The following USP34 variants were observed in gnomAD, a reference collection of about 807,000 sequenced individuals.
USP34 encodes the protein ubiquitin carboxyl-terminal hydrolase 34.
A neutral mutation model predicts 460.3 loss-of-function variants in USP34; 70 were observed. That is an observed-to-expected ratio of 0.15 (90% CI 0.13 to 0.19). USP34 has a LOEUF of 0.19. Among genes scored for constraint, USP34 ranks in the 10% least tolerant of loss-of-function variants. USP34 has a pLI of 1.00. For missense variants in USP34, 3,985 were observed against 4,236.2 expected (o/e 0.94, Z 1.65); for synonymous variants, 1,647 against 1,405.3 (o/e 1.17, Z -3.85).
intron 18 of USP34, among the ~76,000 whole-genome samples, chr2:61,335,860 G>T (rs1691400331): frequency 6.6e-6 from 1 of 152,162 alleles, no homozygotes; most frequent in Non-Finnish European, 1.5e-5. Context: ...AAGAGTTTGT[G>T]TTGTAACCAA....
chr2:61,218,483 T>C (rs1167551030), intron 67 of USP34, among the ~76,000 whole-genome samples: 1 of 152,130 alleles, frequency 6.6e-6, no homozygotes, highest in Admixed American at 6.6e-5. Context: ...ACTATTATGA[T>C]GGTACATTTG....
chr2:61,249,298 A>T (rs2103877218), intron 48 of USP34, among the ~76,000 whole-genome samples: 1 of 152,340 alleles, frequency 6.6e-6, no homozygotes. Context: ...AAACAGTACA[A>T]TACTGCGAAG....
At chr2:61,412,889 A>ACGGTG in intron 2 of USP34, among the ~76,000 whole-genome samples, 1 of 150,520 alleles carries the variant, frequency 6.6e-6, no homozygotes, top group Admixed American at 6.6e-5. Flanking sequence ...CCCATCTCAA[A>ACGGTG]AAAAAAAAAA....
chr2:61,415,841 C>T (rs1694178316), intron 2 of USP34, among the ~76,000 whole-genome samples: 1 of 152,160 alleles, frequency 6.6e-6, no homozygotes, highest in Non-Finnish European at 1.5e-5. Context: ...GAATTATATG[C>T]TGCCCACCTA....
chr2:61,221,477 T>G, intron 66 of USP34, 25 bp downstream of exon 66: 1 of 1,585,632 alleles, frequency 6.3e-7, no homozygotes, highest in Non-Finnish European at 8.6e-7. Context: ...AAATAAACAT[T>G]GAAAACACCT....
At chr2:61,281,534 AG>A (rs1299924100) in intron 37 of USP34, among the ~76,000 whole-genome samples, 1 of 152,182 alleles carries the variant, frequency 6.6e-6, no homozygotes, top group African/African-American at 2.4e-5. Flanking sequence ...TGCTTGAACC[AG>A]GGAGGCAGAG....
chr2:61,431,443 T>A (rs1694673160), intron 1 of USP34, among the ~76,000 whole-genome samples: 1 of 152,160 alleles, frequency 6.6e-6, no homozygotes, highest in Admixed American at 6.5e-5. Flanking sequence ...CCCACACTGG[T>A]CACTAACTCC....
intron 5 of USP34, among the ~76,000 whole-genome samples, 167 bp downstream of exon 5, chr2:61,394,686 T>C (rs78152986): frequency 2.0e-5 from 3 of 152,204 alleles, no homozygotes; most frequent in Non-Finnish European, 4.4e-5. Flanking sequence ...CAAATTCTAA[T>C]CTTAATAATA....
intron 73 of USP34, 21 bp downstream of exon 73, chr2:61,204,476 C>A: frequency 1.9e-6 from 3 of 1,612,594 alleles, no homozygotes; most frequent in Non-Finnish European, 2.5e-6. Flanking sequence ...TATTGAAGTA[C>A]TGTGCTAGAT....
chr2:61,220,245 A>C, intron 67 of USP34, 65 bp downstream of exon 67: 1 of 1,485,028 alleles, frequency 6.7e-7, no homozygotes, highest in Non-Finnish European at 9.0e-7. Context: ...TTGCCTAAAA[A>C]CAAAATGAAA....
chr2:61,289,082 G>A (rs926233079), intron 33 of USP34, among the ~76,000 whole-genome samples: 3 of 151,706 alleles, frequency 2.0e-5, no homozygotes, highest in Admixed American at 2.0e-4. Flanking sequence ...AAATAAAGAG[G>A]GTATACAAGA....
At chr2:61,325,351 A>G (rs1255529253) in intron 21 of USP34, 24 bp downstream of exon 21, 2 of 1,482,924 alleles carry the variant, frequency 1.3e-6, no homozygotes, top group Admixed American at 2.3e-5. Context: ...CAGATTTTTA[A>G]AAAGTACTGA....
At chr2:61,404,707 A>C (rs930176358) in intron 3 of USP34, among the ~76,000 whole-genome samples, 1 of 152,204 alleles carries the variant, frequency 6.6e-6, no homozygotes. Context: ...ATTCACCTGC[A>C]TAACTCAGCC....
intron 1 of USP34, among the ~76,000 whole-genome samples, chr2:61,460,579 T>C (rs1226804659): frequency 2.0e-5 from 3 of 152,156 alleles, no homozygotes; most frequent in Non-Finnish European, 4.4e-5. Flanking sequence ...GCACTATCTG[T>C]GGTTTGAGGT....
chr2:61,280,999 G>A, intron 38 of USP34, 91 bp downstream of exon 38: 1 of 1,376,068 alleles, frequency 7.3e-7, no homozygotes, highest in East Asian at 2.5e-5. Flanking sequence ...GTAGTCAAAT[G>A]ATCAAAATTT....
At position 61,226,857 on chromosome 2, in the gene USP34, G is replaced by C. The variant is rs376823547; in HGVS notation, c.7595+210C>G. ...AACACGACTCATAGATGAAGTAAAA[G>C]TTTGGTAGAAAAAACTGAAATTCTT... On this transcript the variant is annotated intron_variant, in intron 62 of 79. Coordinates refer to ENST00000398571, the MANE Select transcript of USP34 (RefSeq NM_014709.4). The C allele has an allele frequency of 3.4e-5, 18 of 522,968 alleles. No homozygotes were observed. In the East Asian group the frequency reaches 4.4e-4, roughly 13 times the overall value. 32.4% of individuals were successfully genotyped at this position (522,968 alleles called of 1,614,324 possible). A position where few individuals can be genotyped will look rare whatever the true frequency, so the allele number is the denominator to read the frequency against.
rs1354865804 is a variant in USP34, at chr2:61,245,259, G to A, written c.6578C>T (p.Pro2193Leu). The change falls in exon 51 of 80, where the codon CCT becomes CTT. Residue 2193 changes from proline to leucine, a missense_variant. By Grantham distance (98) the Pro-to-Leu change is moderately conservative (BLOSUM62 -3). Coordinates refer to ENST00000398571, the MANE Select transcript of USP34 (RefSeq NM_014709.4). Reference sequence around the variant, plus strand: ...AGATGCAAGTTGAGCAGAATCAAAAGGTTTTACCTCAGCATCATTAAAAAG... The same window carrying A: ...AGATGCAAGTTGAGCAGAATCAAAAAGTTTTACCTCAGCATCATTAAAAAG... ...WYLFNDAEVK[P>L]FDSAQLASEC... is the part of the protein sequence containing the mutation. The A allele has an allele frequency of 1.9e-6, 3 of 1,607,222 alleles. No homozygotes were observed. Among genetic ancestry groups the A allele is most frequent in the Non-Finnish European group, 2.5e-6 (3 of 1,176,908 alleles).
At chr2:61,332,051 T>C (rs930040510) in intron 19 of USP34, among the ~76,000 whole-genome samples, 3 of 152,074 alleles carry the variant, frequency 2.0e-5, no homozygotes, top group Admixed American at 6.6e-5. Flanking sequence ...TACTTTCACC[T>C]TGCTATTCAC....
At chr2:61,307,824 G>A (rs973668640) in intron 27 of USP34, among the ~76,000 whole-genome samples, 1 of 152,082 alleles carries the variant, frequency 6.6e-6, no homozygotes, top group Admixed American at 6.6e-5. Flanking sequence ...AAGGGGGGAG[G>A]ATAGCTTGAG....
Sources: allele counts gnomAD v4.1 joint callset (sites outside exome capture counted in the v4.1 genomes callset), GRCh38; gene constraint gnomAD v4.1.1; transcripts MANE v1.5; gene names NCBI Gene and HGNC (gene_info 2026-07-23, HGNC 2026-07-21).